The following USP7 variants were observed in gnomAD, a reference collection of about 807,000 sequenced individuals.
The protein encoded by USP7 is ubiquitin specific peptidase 7.
A neutral mutation model predicts 162.9 loss-of-function variants in USP7; 9 were observed. The observed-to-expected ratio is 0.06, with a 90% CI of 0.03 to 0.10. The LOEUF is 0.10. Ranked by LOEUF, USP7 falls within the 10% of genes least tolerant of loss-of-function variation. The pLI is 1.00. For synonymous variants in USP7, 562 were observed against 475.9 expected (o/e 1.18, Z -2.35); for missense variants, 715 against 1,373.7 (o/e 0.52, Z 7.58).
chr16:8,904,586 C>A (rs780441128), intron 14 of USP7, 21 bp from the exon 15 acceptor site: 33 of 1,612,376 alleles, frequency 2.0e-5, no homozygotes, highest in African/African-American at 2.7e-5. Context: ...AAGGCATCCT[C>A]TTTGACCCCT....
chr16:8,923,384 G>C lies in USP7; in HGVS notation c.214C>G (p.Gln72Glu). 6.2e-7 allele frequency: 1 copy of C among 1,614,208 alleles called. No homozygotes were observed. The highest frequency in any genetic ancestry group is 8.5e-7 in the Non-Finnish European group (1 of 1,180,040). The stretch of plus-strand genomic sequence containing the variant: ...CTGCTGAAGCGCTCCACAGTGAACT[G>C]AAAGGTTGCCTCGGAGCGCCAACTG... ...DTSWRSEATF[Q>E]FTVERFSRLS... The change falls in exon 3 of 31, where the codon CAG (glutamine) becomes GAG (glutamate). Residue 72 changes from glutamine to glutamate, a missense_variant. Physicochemically the swap from Gln to Glu is conservative, Grantham distance 29. This residue lies in a region of USP7 where 137 missense variants were observed against 123.5 expected (regional missense o/e 1.11). Transcript: ENST00000344836.
intron 10 of USP7, among the ~76,000 whole-genome samples, chr16:8,913,086 T>A (rs2061974138): frequency 6.6e-6 from 1 of 152,122 alleles, no homozygotes. Flanking sequence ...CTGGGCACGG[T>A]GGCTCACACC....
chr16:8,897,729 ATAT>A, intron 25 of USP7, among the ~76,000 whole-genome samples: 1 of 102,810 alleles, frequency 9.7e-6, no homozygotes, highest in African/African-American at 3.6e-5. Flanking sequence ...AAAAAAAAAT[ATAT>A]ATATATATAT....
At chr16:8,899,893 G>T (rs775435677) in intron 21 of USP7, 136 bp from the exon 22 acceptor site, 128 of 1,076,558 alleles carry the variant, frequency 1.2e-4, no homozygotes, top group Non-Finnish European at 1.7e-4. Flanking sequence ...CCCTTTGAGG[G>T]GGCCAGGCAT....
At chr16:8,946,745 C>G (rs1254878403) in intron 1 of USP7, among the ~76,000 whole-genome samples, 2 of 152,240 alleles carry the variant, frequency 1.3e-5, no homozygotes, top group African/African-American at 4.8e-5. Flanking sequence ...CAGCCACTCA[C>G]GCTCAACCAC....
At position 8,933,242 on chromosome 16, in the gene USP7, A is replaced by G. The variant is rs527523349; in HGVS notation, c.80-2845T>C. Among the ~76,000 whole-genome samples, 5 of 152,216 alleles carry G rather than the reference A, an allele frequency of 3.3e-5. No homozygotes were observed. The South Asian group carries it at 8.3e-4, about 25-fold the overall frequency. On this transcript the variant is annotated intron_variant, in intron 1 of 30. Transcript: ENST00000344836. ...CATGAGCCACCGCACCCAGCTCCCA[A>G]TAGAATGTTAAAAAAATTTAGCCAA...
Position 8,963,600 on chromosome 16 carries a change from C to G in USP7, c.-315G>C, listed in dbSNP as rs1259771291. On this transcript the variant is annotated 5_prime_UTR_variant, in exon 1 of 31. Transcript: ENST00000344836. ...CGCCGCCGCCGCGGGGCCCGCCTCCCGCCGCCGGGGCCGGGGCCGGGGCTG... is the reference window on the plus strand; with the variant it reads ...CGCCGCCGCCGCGGGGCCCGCCTCCGGCCGCCGGGGCCGGGGCCGGGGCTG... 7.2e-6 allele frequency: 1 copy of G among 139,434 alleles called. No homozygotes were observed. Among genetic ancestry groups the G allele is most frequent in the African/African-American group, 2.6e-5 (1 of 38,798 alleles). The allele number at this position is 139,434 out of a possible 1,614,324, so 8.6% of individuals were successfully genotyped here. A position where few individuals can be genotyped will look rare whatever the true frequency, so the allele number is the denominator to read the frequency against.
Position 8,915,534 on chromosome 16 carries a change from G to T in USP7, c.907-9C>A, listed in dbSNP as rs369447614. ...TCCACATTATCGAGCAACTGAAAAA[G>T]AATGTTTTGGCTTTAAAAAAACTTT... On this transcript the variant is annotated splice_polypyrimidine_tract_variant and intron_variant, in intron 8 of 30. Transcript: ENST00000344836. 1 of 1,611,620 alleles carries T rather than the reference G, an allele frequency of 6.2e-7. No homozygotes were observed. The highest frequency in any genetic ancestry group is 8.5e-7 in the Non-Finnish European group (1 of 1,179,530).
intron 10 of USP7, among the ~76,000 whole-genome samples, chr16:8,914,110 C>A (rs991079813): frequency 6.6e-6 from 1 of 152,026 alleles, no homozygotes; most frequent in African/African-American, 2.4e-5. Flanking sequence ...GAAGCCAATA[C>A]TAAAATTGTT....
At chr16:8,939,878 T>C (rs1898954974) in intron 1 of USP7, among the ~76,000 whole-genome samples, 1 of 152,188 alleles carries the variant, frequency 6.6e-6, no homozygotes, top group African/African-American at 2.4e-5. Context: ...GGAGGGCAGA[T>C]CACGAGGTCA....
intron 6 of USP7, among the ~76,000 whole-genome samples, chr16:8,917,939 G>A (rs552788354): frequency 1.3e-5 from 2 of 152,134 alleles, no homozygotes; most frequent in East Asian, 1.9e-4. Flanking sequence ...ACAGGTGCAC[G>A]CCGCCATGCC....
Position 8,943,357 on chromosome 16 carries a change from CA to C in USP7, c.80-12961del, listed in dbSNP as rs368631123. Among the ~76,000 whole-genome samples the C allele has an allele frequency of 3.3e-3, 499 of 151,372 alleles. 1 individual carries two copies. The highest frequency in any genetic ancestry group is 0.012 in the African/African-American group (476 of 40,776). ...GCTTCTACATGTATAGTCTGCTCCGCAAAAGAAACAGGATTATCTGCTCAAC... is the reference window on the plus strand; with the variant it reads ...GCTTCTACATGTATAGTCTGCTCCGCAAAGAAACAGGATTATCTGCTCAAC... On this transcript the variant is annotated intron_variant, in intron 1 of 30. Coordinates refer to ENST00000344836, the MANE Select transcript of USP7 (RefSeq NM_003470.3).
chr16:8,944,139 TCC>T (rs1312654411), intron 1 of USP7, among the ~76,000 whole-genome samples: 1 of 152,002 alleles, frequency 6.6e-6, no homozygotes, highest in Admixed American at 6.6e-5. Context: ...ACAGAAACTC[TCC>T]TTCTTGCCTT....
rs570589218 is a variant in USP7 at position 8,911,261 on chromosome 16, G to A, written c.1079-434C>T. Among the ~76,000 whole-genome samples the A allele has an allele frequency of 2.0e-3, 309 of 152,330 alleles. 1 individual carries two copies. The highest frequency in any genetic ancestry group is 3.4e-3 in the Non-Finnish European group (229 of 68,032). On this transcript the variant is annotated intron_variant, in intron 10 of 30. Transcript: ENST00000344836. Reference sequence around the variant, plus strand: ...GAGGTCAACACGGGGTGGGGTGGAAGTTGGTCCTGACATCTCCCCACCCCC... The same window carrying A: ...GAGGTCAACACGGGGTGGGGTGGAAATTGGTCCTGACATCTCCCCACCCCC...
chr16:8,926,633 C>T (rs138031088), intron 2 of USP7, among the ~76,000 whole-genome samples: 4 of 152,318 alleles, frequency 2.6e-5, no homozygotes, highest in Non-Finnish European at 4.4e-5. Flanking sequence ...GTTAACAGTA[C>T]ACTGGATCCT....
intron 1 of USP7, among the ~76,000 whole-genome samples, chr16:8,956,725 T>A (rs903029184): frequency 6.6e-6 from 1 of 151,216 alleles, no homozygotes. Flanking sequence ...ATCGTCCCAC[T>A]GCACTCCAGC....
chr16:8,908,034 T>C (rs539945077), intron 12 of USP7, among the ~76,000 whole-genome samples: 1 of 152,296 alleles, frequency 6.6e-6, no homozygotes. Flanking sequence ...AGAAATCCTG[T>C]GAATGCAAGA....
Position 8,948,678 on chromosome 16 carries a change from G to C in USP7, c.79+14529C>G, listed in dbSNP as rs149302570. On this transcript the variant is annotated intron_variant, in intron 1 of 30. Coordinates refer to ENST00000344836, the MANE Select transcript of USP7 (RefSeq NM_003470.3). ...AGAAAAGGGAACGACTACTGGCTAC[G>C]ATGTGGATGAACCTTGAGGATATTA... 2.4e-3 allele frequency among the ~76,000 whole-genome samples: 365 copies of C among 152,306 alleles called. 2 individuals carry two copies. Among genetic ancestry groups the C allele is most frequent in the African/African-American group, 8.6e-3 (356 of 41,566 alleles).
At chr16:8,905,379 G>A in intron 13 of USP7, 48 bp from the exon 14 acceptor site, 1 of 1,601,460 alleles carries the variant, frequency 6.2e-7, no homozygotes, top group Non-Finnish European at 8.6e-7. Context: ...ACTGTGACAA[G>A]TACCCAACAC....
Sources: allele counts gnomAD v4.1 joint callset (sites outside exome capture counted in the v4.1 genomes callset), GRCh38; gene constraint gnomAD v4.1.1; regional missense constraint gnomAD v4.1.1; transcripts MANE v1.5; gene names NCBI Gene and HGNC (gene_info 2026-07-23, HGNC 2026-07-21).